Variants in CDK5RAP2 observed in about 807,000 individuals in gnomAD.
CDK5RAP2 encodes the protein CDK5 regulatory subunit-associated protein 2.
Under a neutral mutation model 232.9 loss-of-function variants are expected in CDK5RAP2, and 147 were observed. The ratio of observed to expected loss-of-function variants is 0.63; its 90% CI spans 0.55 to 0.72. CDK5RAP2 has a LOEUF of 0.72. Ranked by LOEUF, CDK5RAP2 falls within the 30% of genes least tolerant of loss-of-function variation. The probability of loss-of-function intolerance (pLI) is 0.00; values close to 1 mark genes in which losing one functional copy is unlikely to be tolerated. For synonymous variants in CDK5RAP2, 833 were observed against 833.7 expected, an observed-to-expected ratio of 1.00 and a Z score of 0.01; for missense variants, 2,195 against 2,231.5, an observed-to-expected ratio of 0.98 and a Z score of 0.33.
rs1159480140 is a variant in CDK5RAP2 at position 120,520,773 on chromosome 9, GATATCTCATGAGATATATCTCAT to G, written c.1093-2151_1093-2129del. On this transcript the variant is annotated intron_variant, in intron 11 of 37. Transcript: ENST00000349780. Reference sequence around the variant, plus strand: ...CTCATATCTCATGAGATATATCTCAGATATCTCATGAGATATATCTCATATATCTCATGAGATATATCTCATAT... The same window carrying G: ...CTCATATCTCATGAGATATATCTCAGATATCTCATGAGATATATCTCATAT... Among the ~76,000 whole-genome samples the G allele has an allele frequency of 1.4e-4, 9 of 64,426 alleles. 1 individual carries two copies. Among genetic ancestry groups the G allele is most frequent in the Middle Eastern group, 0.013 (1 of 80 alleles). The allele number at this position is 64,426 out of a possible 152,430, so 42.3% of individuals were successfully genotyped here.
chr9:120,420,081 G>T, intron 26 of CDK5RAP2, 121 bp from the exon 27 acceptor site: 1 of 785,068 alleles, frequency 1.3e-6, no homozygotes, highest in Non-Finnish European at 2.2e-6. Context: ...TGCAACTTCA[G>T]TCAGACCTTT....
At chr9:120,451,151 T>C (rs941487801) in intron 21 of CDK5RAP2, among the ~76,000 whole-genome samples, 3 of 152,224 alleles carry the variant, frequency 2.0e-5, no homozygotes, top group African/African-American at 4.8e-5. Context: ...GTCAACCTAA[T>C]GCTTGTTCTA....
In CDK5RAP2 at chr9:120,528,732, G is replaced by T. The variant is rs372601631; in HGVS notation, c.879+12C>A. The stretch of plus-strand genomic sequence containing the variant: ...AATCTTCAATACATTTTTTAAAATT[G>T]TATCAACATACCTGGATCCTCTCTT... On this transcript the variant is annotated intron_variant, in intron 9 of 37. Coordinates refer to ENST00000349780, the MANE Select transcript of CDK5RAP2 (RefSeq NM_018249.6). 2.6e-6 allele frequency: 4 copies of T among 1,546,352 alleles called. No individual in the cohort carries two copies. Among genetic ancestry groups the T allele is most frequent in the Non-Finnish European group, 2.7e-6 (3 of 1,117,884 alleles).
Position 120,518,610 on chromosome 9 carries a change from C to G in CDK5RAP2, c.1128G>C (p.Lys376Asn). 1 of 1,613,756 alleles carries G rather than the reference C, an allele frequency of 6.2e-7. No homozygotes were observed. The change falls in exon 12 of 38, where the codon AAG becomes AAC. Residue 376 changes from lysine to asparagine, a missense_variant. Physicochemically the swap from Lys to Asn is moderately conservative, Grantham distance 94. Coordinates refer to ENST00000349780, the MANE Select transcript of CDK5RAP2 (RefSeq NM_018249.6). Reference protein sequence around the residue: ...SEDYETALSGKEALSAALRSQ... With the variant: ...SEDYETALSGNEALSAALRSQ... ...AGCGCAGCGCAGCCGAAAGGGCTTC[C>G]TTTCCTGATAGAGCAGTCTCATAGT...
rs201411664 is a variant in CDK5RAP2 at position 120,404,070 on chromosome 9, C to T, written c.5007G>A (p.Leu1669=). The change falls in exon 33 of 38, where the codon CTG becomes CTA. Residue 1669 remains leucine, a synonymous_variant. Coordinates refer to ENST00000349780, the MANE Select transcript of CDK5RAP2 (RefSeq NM_018249.6). The stretch of plus-strand genomic sequence containing the variant: ...GTGTCACTGCCTGGGAGGAATCAAA[C>T]AGATCAAATGAATTATCACTTTCCA... The part of the protein sequence containing the change: ...YPMESDNSFD[L]FDSSQAVTPK... 5.0e-6 allele frequency: 8 copies of T among 1,613,812 alleles called. No individual in the cohort carries two copies. Among genetic ancestry groups the T allele is most frequent in the Non-Finnish European group, 6.8e-6 (8 of 1,179,660 alleles).
intron 4 of CDK5RAP2, among the ~76,000 whole-genome samples, chr9:120,546,774 T>C (rs570020271): frequency 6.6e-6 from 1 of 152,040 alleles, no homozygotes; most frequent in Admixed American, 6.6e-5. Context: ...TCTGGGACTA[T>C]AGGCGTGCAC....
At chr9:120,389,893 A>G (rs2131179623) in intron 36 of CDK5RAP2, 106 bp from the exon 37 acceptor site, 1 of 997,734 alleles carries the variant, frequency 1.0e-6, no homozygotes. Flanking sequence ...GGGCTCGGAC[A>G]TGTAGACAAC....
chr9:120,524,965 T>G, intron 11 of CDK5RAP2, 21 bp downstream of exon 11: 1 of 1,587,514 alleles, frequency 6.3e-7, no homozygotes, highest in Non-Finnish European at 8.7e-7. Context: ...AGACAGCCAC[T>G]TAAGCCAAGT....
At chr9:120,565,716 A>G (rs1697159583) in intron 3 of CDK5RAP2, among the ~76,000 whole-genome samples, 1 of 151,992 alleles carries the variant, frequency 6.6e-6, no homozygotes, top group Non-Finnish European at 1.5e-5. Flanking sequence ...TCCCCACTTG[A>G]CCAAACCGTA....
At chr9:120,463,296 G>A (rs112426554) in intron 18 of CDK5RAP2, among the ~76,000 whole-genome samples, 3,416 of 152,222 alleles carry the variant, frequency 0.022, 55 homozygotes, top group East Asian at 0.041. Context: ...GCATGAACCC[G>A]GGAGGCGGAG....
At chr9:120,551,427 T>C (rs1037300365) in intron 3 of CDK5RAP2, among the ~76,000 whole-genome samples, 2 of 152,198 alleles carry the variant, frequency 1.3e-5, no homozygotes, top group Non-Finnish European at 2.9e-5. Flanking sequence ...TTAGGAAACT[T>C]GCGAACACCA....
At chr9:120,473,911 G>T (rs1314276107) in intron 15 of CDK5RAP2, among the ~76,000 whole-genome samples, 1 of 152,208 alleles carries the variant, frequency 6.6e-6, no homozygotes, top group Non-Finnish European at 1.5e-5. Context: ...TTCCCAACTT[G>T]AGAATCTTTT....
chr9:120,423,249 C>T (rs112602446), intron 25 of CDK5RAP2, among the ~76,000 whole-genome samples: 218 of 152,184 alleles, frequency 1.4e-3, no homozygotes, highest in African/African-American at 5.0e-3. Flanking sequence ...TTAATGTCTG[C>T]GCTAATATTC....
At chr9:120,530,272 A>G in intron 7 of CDK5RAP2, 132 bp from the exon 8 acceptor site, 1 of 658,270 alleles carries the variant, frequency 1.5e-6, no homozygotes, top group Non-Finnish European at 2.6e-6. Context: ...ACAGAATCAC[A>G]TTTTGCAGGT....
intron 14 of CDK5RAP2, among the ~76,000 whole-genome samples, chr9:120,485,764 A>T (rs1043174481): frequency 6.6e-6 from 1 of 152,206 alleles, no homozygotes; most frequent in African/African-American, 2.4e-5. Flanking sequence ...AAATCTAACT[A>T]AATGCTAGTT....
At chr9:120,497,422 A>T (rs867523502) in intron 12 of CDK5RAP2, among the ~76,000 whole-genome samples, 12 of 6,172 alleles carry the variant, frequency 1.9e-3, no homozygotes, top group Admixed American at 3.7e-3. Context: ...AAATAAATTT[A>T]AAAAAAAAAA....
chr9:120,473,089 G>C (rs777143455), intron 15 of CDK5RAP2, among the ~76,000 whole-genome samples: 1 of 152,196 alleles, frequency 6.6e-6, no homozygotes, highest in African/African-American at 2.4e-5. Context: ...GCTGACATCT[G>C]AATGGCATAA....
chr9:120,524,815 C>T (rs1395488651), intron 11 of CDK5RAP2, among the ~76,000 whole-genome samples, 171 bp downstream of exon 11: 1 of 152,154 alleles, frequency 6.6e-6, no homozygotes, highest in Non-Finnish European at 1.5e-5. Context: ...GCTGGAAAAG[C>T]TCCCAAATCT....
chr9:120,473,910 T>G (rs1026248575), intron 15 of CDK5RAP2, among the ~76,000 whole-genome samples: 4 of 152,146 alleles, frequency 2.6e-5, no homozygotes, highest in African/African-American at 9.7e-5. Context: ...TTTCCCAACT[T>G]GAGAATCTTT....
Sources: gnomAD v4.1 joint callset for allele counts (sites outside exome capture counted in the v4.1 genomes callset) on GRCh38, gnomAD v4.1.1 for gene constraint, MANE v1.5 for transcripts, NCBI Gene and HGNC (gene_info 2026-07-23, HGNC 2026-07-21) for gene names.